Variants in VWA3A observed in about 807,000 individuals in gnomAD.
VWA3A encodes von Willebrand factor A domain-containing protein 3A.
Under a neutral mutation model 160.4 loss-of-function variants are expected in VWA3A, and 134 were observed. That is an observed-to-expected ratio of 0.84 (90% CI 0.73 to 0.96). The LOEUF is 0.96. Among genes scored for constraint, VWA3A ranks in the 40% least tolerant of loss-of-function variants. The pLI, the probability that VWA3A is intolerant of heterozygous loss-of-function variation, is 0.00. For missense variants in VWA3A, 1,310 were observed against 1,447.9 expected (o/e 0.90, Z 1.55); for synonymous variants, 476 against 543.4 (o/e 0.88, Z 1.72).
intron 24 of VWA3A, 69 bp downstream of exon 24, chr16:22,141,761 A>G (rs2046154714): frequency 7.1e-7 from 1 of 1,402,392 alleles, no homozygotes; most frequent in Non-Finnish European, 9.8e-7. Context: ...GGCAGCAGGT[A>G]CCGTGGGAAG....
At position 22,118,887 on chromosome 16, in the gene VWA3A, T is replaced by G; in HGVS notation, c.991-15T>G. 1 of 1,613,762 alleles carries G rather than the reference T, an allele frequency of 6.2e-7. No individual in the cohort carries two copies. The highest frequency in any genetic ancestry group is 2.2e-5 in the East Asian group (1 of 44,872). On this transcript the variant is annotated splice_polypyrimidine_tract_variant and intron_variant, in intron 11 of 33. Transcript: ENST00000389398. The stretch of plus-strand genomic sequence containing the variant: ...CAAGTGATTCCGGATGTCTGATTGC[T>G]CTTGCCACCCTCAGCACTACACCAG...
At chr16:22,126,098 A>C in intron 16 of VWA3A, 80 bp from the exon 17 acceptor site, 1 of 1,586,260 alleles carries the variant, frequency 6.3e-7, no homozygotes, top group South Asian at 1.1e-5. Context: ...CTGGAAAAAA[A>C]CTTTAAATAG....
At chr16:22,105,748 A>G (rs904358051) in intron 6 of VWA3A, among the ~76,000 whole-genome samples, 1 of 152,194 alleles carries the variant, frequency 6.6e-6, no homozygotes, top group Admixed American at 6.5e-5. Flanking sequence ...AGGTTTAGGG[A>G]ATGAATGTTT....
intron 5 of VWA3A, 70 bp from the exon 6 acceptor site, chr16:22,103,405 T>C: frequency 7.4e-7 from 1 of 1,343,398 alleles, no homozygotes; most frequent in South Asian, 1.3e-5. Flanking sequence ...CTGCCTTTTG[T>C]GTATGTAAGT....
At position 22,141,699 on chromosome 16, in the gene VWA3A, T is replaced by C. The variant is rs2046153260; in HGVS notation, c.2494+7T>C. 1 of 1,601,706 alleles carries C rather than the reference T, an allele frequency of 6.2e-7. No homozygotes were observed. The highest frequency in any genetic ancestry group is 1.3e-5 in the African/African-American group (1 of 74,844). ...GAGAAAGGGAATGACGTGGGTAAGT[T>C]AGAGGCTATACAGGTGTCTGGACAG... On this transcript the variant is annotated splice_region_variant and intron_variant, in intron 24 of 33. Transcript: ENST00000389398.
chr16:22,108,512 T>G (rs1339588030), intron 6 of VWA3A, among the ~76,000 whole-genome samples: 3 of 152,250 alleles, frequency 2.0e-5, no homozygotes, highest in African/African-American at 7.2e-5. Flanking sequence ...CTCCAATTTG[T>G]TTTTGTTTTC....
At chr16:22,140,293 G>A (rs1398977791) in intron 23 of VWA3A, 49 bp downstream of exon 23, 2 of 1,564,474 alleles carry the variant, frequency 1.3e-6, no homozygotes, top group South Asian at 1.1e-5. Context: ...CACGGTCACG[G>A]CTGAGGCATG....
At chr16:22,118,844 T>G (rs1188213449) in intron 11 of VWA3A, 58 bp from the exon 12 acceptor site, 5 of 1,604,878 alleles carry the variant, frequency 3.1e-6, no homozygotes, top group Non-Finnish European at 4.3e-6. Flanking sequence ...CCTTCCTGGG[T>G]TGACCCCTGC....
intron 26 of VWA3A, among the ~76,000 whole-genome samples, chr16:22,146,001 T>G (rs1259947614): frequency 6.6e-6 from 1 of 152,096 alleles, no homozygotes; most frequent in African/African-American, 2.4e-5. Context: ...TTTCTGTTTT[T>G]GGTAGAGATG....
chr16:22,138,838 C>A (rs1027166010), intron 22 of VWA3A, among the ~76,000 whole-genome samples: 3 of 152,006 alleles, frequency 2.0e-5, no homozygotes, highest in African/African-American at 7.2e-5. Context: ...GAGAGTCTCT[C>A]GGGGGCAAAG....
chr16:22,128,756 A>G (rs535923854), intron 17 of VWA3A, among the ~76,000 whole-genome samples: 4 of 152,354 alleles, frequency 2.6e-5, no homozygotes, highest in African/African-American at 9.6e-5. Flanking sequence ...GCCATAAAAA[A>G]GAATGAGATC....
In VWA3A at chr16:22,119,387, T is replaced by C. The variant is rs371373382; in HGVS notation, c.1116+360T>C. Among the ~76,000 whole-genome samples, 13 of 152,182 alleles carry C rather than the reference T, an allele frequency of 8.5e-5. No homozygotes were observed. In the East Asian group the frequency reaches 2.5e-3, roughly 29 times the overall value. On this transcript the variant is annotated intron_variant, in intron 12 of 33. Transcript: ENST00000389398. ...AATAGGCTGCCTTTAAGAGAGTCATTCTCACCTCAGCCATGGCTTACACCT... is the reference window on the plus strand; with the variant it reads ...AATAGGCTGCCTTTAAGAGAGTCATCCTCACCTCAGCCATGGCTTACACCT...
At chr16:22,153,329 C>A (rs1291842570) in intron 31 of VWA3A, among the ~76,000 whole-genome samples, 2 of 152,122 alleles carry the variant, frequency 1.3e-5, no homozygotes, top group Non-Finnish European at 2.9e-5. Context: ...AGTGTCAGAG[C>A]AAGACTCCGT....
At chr16:22,119,208 G>T (rs1713628891) in intron 12 of VWA3A, among the ~76,000 whole-genome samples, 181 bp downstream of exon 12, 1 of 151,888 alleles carries the variant, frequency 6.6e-6, no homozygotes, top group African/African-American at 2.4e-5. Flanking sequence ...GGGCTGGGTG[G>T]GCCCACCATG....
Position 22,116,820 on chromosome 16 carries a change from C to A in VWA3A, c.877C>A (p.Leu293Ile). 6.2e-7 allele frequency: 1 copy of A among 1,613,526 alleles called. No individual in the cohort carries two copies. The highest frequency in any genetic ancestry group is 8.5e-7 in the Non-Finnish European group (1 of 1,179,880). ...CCAGCAGTCCACCATGGGAAGAGAC[C>A]TCATCATCCACTTCATCACCTACAG... is the stretch of plus-strand genomic sequence containing the variant. ...YIQQSTMGRD[L>I]IIHFITYRCD... is the part of the protein sequence containing the mutation. Residue 293 changes from leucine to isoleucine, a missense_variant, in exon 10 of 34, where the codon CTC becomes ATC. Physicochemically the swap from Leu to Ile is conservative, Grantham distance 5. Transcript: ENST00000389398.
At chr16:22,138,256 G>C (rs964246348) in intron 21 of VWA3A, 104 bp from the exon 22 acceptor site, 11 of 1,373,776 alleles carry the variant, frequency 8.0e-6, no homozygotes, top group Non-Finnish European at 1.1e-5. Flanking sequence ...GAGTCCAGGG[G>C]ACATCAGAGG....
intron 5 of VWA3A, among the ~76,000 whole-genome samples, chr16:22,101,436 A>T (rs1386615612): frequency 2.6e-5 from 4 of 152,200 alleles, no homozygotes. Flanking sequence ...CATGTGTATT[A>T]GTCCATTTTC....
intron 26 of VWA3A, among the ~76,000 whole-genome samples, chr16:22,145,158 T>C (rs2142006849): frequency 6.6e-6 from 1 of 152,240 alleles, no homozygotes; most frequent in East Asian, 1.9e-4. Flanking sequence ...TGATCATTTC[T>C]CTCCTTGCCC....
At chr16:22,148,708 C>T (rs1309940679) in intron 28 of VWA3A, among the ~76,000 whole-genome samples, 1 of 152,004 alleles carries the variant, frequency 6.6e-6, no homozygotes, top group African/African-American at 2.4e-5. Flanking sequence ...GAGGTTGAGG[C>T]TGCAGTGAGC....
Sources: gnomAD v4.1 joint callset for allele counts (sites outside exome capture counted in the v4.1 genomes callset) on GRCh38, gnomAD v4.1.1 for gene constraint, MANE v1.5 for transcripts, NCBI Gene and HGNC (gene_info 2026-07-23, HGNC 2026-07-21) for gene names.